The following RORA variants were observed in gnomAD, a reference collection of about 807,000 sequenced individuals.
RORA encodes the protein RAR related orphan receptor A.
Under a neutral mutation model 69.5 loss-of-function variants are expected in RORA, and 7 were observed. That is an observed-to-expected ratio of 0.10 (90% CI 0.06 to 0.19). The LOEUF (loss-of-function observed/expected upper bound fraction) is 0.19. Ranked by LOEUF, RORA falls within the 10% of genes least tolerant of loss-of-function variation. RORA has a pLI of 1.00. For missense variants in RORA, 457 were observed against 663.0 expected (o/e 0.69, Z 3.41); for synonymous variants, 261 against 240.8 (o/e 1.08, Z -0.78).
intron 1 of RORA, among the ~76,000 whole-genome samples, chr15:60,878,170 C>CAAAAAAAAAAA (rs11362081): frequency 1.6e-3 from 108 of 69,278 alleles, no homozygotes; most frequent in Non-Finnish European, 2.2e-3. Flanking sequence ...ACTAAAAATA[C>CAAAAAAAAAAA]AAAAAAAAAA....
intron 1 of RORA, among the ~76,000 whole-genome samples, chr15:60,759,166 A>G (rs1174535905): frequency 6.6e-6 from 1 of 152,214 alleles, no homozygotes; most frequent in East Asian, 1.9e-4. Flanking sequence ...AGCCACATGC[A>G]TCTATGGCCT....
Position 60,593,152 on chromosome 15 carries a change from C to T in RORA, c.197-61301G>A, listed in dbSNP as rs184911183. ...ACTCGGCCTGGGCGGGGGAACTCCG[C>T]CCACCCAACCCTTGGCAACCCTTGG... On this transcript the variant is annotated intron_variant, in intron 2 of 10. Coordinates refer to ENST00000335670, the MANE Select transcript of RORA (RefSeq NM_134261.3). 1,901 of 301,332 alleles carry T rather than the reference C, an allele frequency of 6.3e-3. 13 individuals carry two copies. Among genetic ancestry groups the T allele is most frequent in the South Asian group, 0.01 (409 of 40,562 alleles). 18.7% of individuals were successfully genotyped at this position (301,332 alleles called of 1,614,324 possible).
chr15:61,133,710 G>A (rs2079212427), intron 1 of RORA, among the ~76,000 whole-genome samples: 1 of 152,128 alleles, frequency 6.6e-6, no homozygotes, highest in African/African-American at 2.4e-5. Flanking sequence ...TCCAACCTGA[G>A]ATAAACCAGT....
At chr15:60,718,001 G>T (rs1185575294) in intron 1 of RORA, among the ~76,000 whole-genome samples, 2 of 151,992 alleles carry the variant, frequency 1.3e-5, no homozygotes, top group South Asian at 2.1e-4. Flanking sequence ...GTTTCACCAT[G>T]TTGGCCAGGC....
chr15:61,070,303 T>C (rs1035475314), intron 1 of RORA, among the ~76,000 whole-genome samples: 3 of 152,198 alleles, frequency 2.0e-5, no homozygotes. Context: ...AGATACCTGG[T>C]ACCTTCTAGC....
At chr15:60,806,255 A>G (rs2072658277) in intron 1 of RORA, among the ~76,000 whole-genome samples, 1 of 152,224 alleles carries the variant, frequency 6.6e-6, no homozygotes, top group Non-Finnish European at 1.5e-5. Flanking sequence ...AAAGGAAAAT[A>G]CATACTCTAG....
chr15:61,087,214 T>C (rs2078638773), intron 1 of RORA, among the ~76,000 whole-genome samples: 1 of 152,182 alleles, frequency 6.6e-6, no homozygotes, highest in African/African-American at 2.4e-5. Context: ...AAATATTTAC[T>C]ATCTAGCCCT....
chr15:60,614,791 C>A, intron 2 of RORA: 1 of 861,192 alleles, frequency 1.2e-6, no homozygotes, highest in South Asian at 2.3e-5. Context: ...TTATAGTAAT[C>A]ATAAGGTTTA....
At chr15:61,048,333 G>C (rs1897135182) in intron 1 of RORA, among the ~76,000 whole-genome samples, 1 of 152,144 alleles carries the variant, frequency 6.6e-6, no homozygotes, top group Admixed American at 6.5e-5. Context: ...AACGAGACCT[G>C]AACACTGTGT....
At chr15:60,793,153 TA>T (rs1385228598) in intron 1 of RORA, among the ~76,000 whole-genome samples, 1 of 152,130 alleles carries the variant, frequency 6.6e-6, no homozygotes, top group Non-Finnish European at 1.5e-5. Context: ...AAAAGTGGAG[TA>T]AATGATCTCA....
chr15:61,187,092 T>G (rs1158768542), intron 1 of RORA, among the ~76,000 whole-genome samples: 1 of 152,246 alleles, frequency 6.6e-6, no homozygotes, highest in Non-Finnish European at 1.5e-5. Flanking sequence ...ATGACAAAGA[T>G]GAAGTGCTTC....
At position 60,497,393 on chromosome 15, in the gene RORA, T is replaced by A; in HGVS notation, c.*62A>T. 3 of 1,492,390 alleles carry A rather than the reference T, an allele frequency of 2.0e-6. No individual in the cohort carries two copies. The highest frequency in any genetic ancestry group is 1.2e-5 in the South Asian group (1 of 86,188). The allele number at this position is 1,492,390 out of a possible 1,614,324, so 92.4% of individuals were successfully genotyped here. On this transcript the variant is annotated 3_prime_UTR_variant, in exon 11 of 11. Transcript: ENST00000335670. ...GGGCCATATAAAGTGTCTCGGTTAA[T>A]TTTTTTGTTTGTTTTTCATGTTTGT...
chr15:60,588,117 G>A (rs76794678), intron 2 of RORA, among the ~76,000 whole-genome samples: 1 of 152,290 alleles, frequency 6.6e-6, no homozygotes, highest in African/African-American at 2.4e-5. Context: ...TGTGGTCTTT[G>A]AGATACTATC....
intron 1 of RORA, among the ~76,000 whole-genome samples, chr15:60,751,201 GT>G (rs1191725818): frequency 1.3e-5 from 2 of 152,176 alleles, no homozygotes; most frequent in Non-Finnish European, 2.9e-5. Context: ...TCTACAACCT[GT>G]CCATGGTTCA....
chr15:61,219,453 T>C (rs1245644981), intron 1 of RORA, among the ~76,000 whole-genome samples: 1 of 152,168 alleles, frequency 6.6e-6, no homozygotes, highest in Non-Finnish European at 1.5e-5. Flanking sequence ...CTGGCGCCTA[T>C]TGTTCCAGCT....
At chr15:60,925,902 A>C (rs1595820874) in intron 1 of RORA, among the ~76,000 whole-genome samples, 1 of 152,316 alleles carries the variant, frequency 6.6e-6, no homozygotes, top group Non-Finnish European at 1.5e-5. Flanking sequence ...GCTTACGATG[A>C]GTGGAAACAC....
At chr15:61,202,913 A>T (rs1384407829) in intron 1 of RORA, among the ~76,000 whole-genome samples, 1 of 152,216 alleles carries the variant, frequency 6.6e-6, no homozygotes, top group Non-Finnish European at 1.5e-5. Context: ...AACCCAAGAA[A>T]CACAGTACTC....
intron 2 of RORA, among the ~76,000 whole-genome samples, chr15:60,604,947 A>T (rs543185720): frequency 6.6e-6 from 1 of 152,354 alleles, no homozygotes; most frequent in South Asian, 2.1e-4. Flanking sequence ...GTGGTTTATG[A>T]CCTACCACTA....
intron 10 of RORA, among the ~76,000 whole-genome samples, chr15:60,498,481 AAT>A (rs967172047): frequency 3.3e-5 from 5 of 152,194 alleles, no homozygotes; most frequent in African/African-American, 4.8e-5. Flanking sequence ...TGAGCAAAAT[AAT>A]AGAGTCAGAA....
Sources: allele counts gnomAD v4.1 joint callset (sites outside exome capture counted in the v4.1 genomes callset), GRCh38; gene constraint gnomAD v4.1.1; transcripts MANE v1.5; gene names NCBI Gene and HGNC (gene_info 2026-07-23, HGNC 2026-07-21).